Variants in FEZ1 observed in about 807,000 individuals in gnomAD.
FEZ1 encodes the protein fasciculation and elongation protein zeta-1.
Under a neutral mutation model 49.3 loss-of-function variants are expected in FEZ1, and 20 were observed. The observed-to-expected ratio is 0.41, with a 90% confidence interval of 0.29 to 0.59. The LOEUF is 0.59. FEZ1 is among the 20% of genes least tolerant of loss of function. The probability of loss-of-function intolerance (pLI) is 0.36; values close to 1 mark genes in which losing one functional copy is unlikely to be tolerated. For synonymous variants in FEZ1, 170 were observed against 180.9 expected (o/e 0.94, Z 0.48); for missense variants, 413 against 476.0 (o/e 0.87, Z 1.23).
At chr11:125,473,897 T>C (rs1054753975) in intron 3 of FEZ1, among the ~76,000 whole-genome samples, 2 of 151,454 alleles carry the variant, frequency 1.3e-5, no homozygotes, top group African/African-American at 4.8e-5. Context: ...ATTATAAAAC[T>C]TCTAGAAGAA....
At position 125,477,856 on chromosome 11, in the gene FEZ1, C is replaced by CAAAAAAAAAAAAAA. The variant is rs11413508; in HGVS notation, c.411+3677_411+3678insTTTTTTTTTTTTTT. Among the ~76,000 whole-genome samples the CAAAAAAAAAAAAAA allele has an allele frequency of 3.4e-4, 48 of 141,348 alleles. 1 individual carries two copies. The highest frequency in any genetic ancestry group is 1.2e-3 in the African/African-American group (46 of 37,246). The allele number at this position is 141,348 out of a possible 152,430, so 92.7% of individuals were successfully genotyped here. A position where few individuals can be genotyped will look rare whatever the true frequency, so the allele number is the denominator to read the frequency against. ...CCCACTATAAAAGTGGAGCTTTATGCAAAAAAAAAAAAAGGCAGCTAAAAG... is the reference window on the plus strand; with the variant it reads ...CCCACTATAAAAGTGGAGCTTTATGCAAAAAAAAAAAAAAAAAAAAAAAAAAAGGCAGCTAAAAG... On this transcript the variant is annotated intron_variant, in intron 3 of 9. Coordinates refer to ENST00000278919, the MANE Select transcript of FEZ1 (RefSeq NM_005103.5).
chr11:125,445,505 C>T lies in FEZ1; in HGVS notation c.*590G>A, dbSNP rs1256971236. Among the ~76,000 whole-genome samples the T allele has an allele frequency of 6.6e-6, 1 of 152,224 alleles. No individual in the cohort carries two copies. Among genetic ancestry groups the T allele is most frequent in the Non-Finnish European group, 1.5e-5 (1 of 68,036 alleles). On this transcript the variant is annotated 3_prime_UTR_variant, in exon 10 of 10. Coordinates refer to ENST00000278919, the MANE Select transcript of FEZ1 (RefSeq NM_005103.5). The surrounding 1 kb of genome is among the most constrained non-coding windows in gnomAD (Gnocchi z 4.4). ...CTCCTTTCTGCAGCCCCTGGTGCAG[C>T]TCCCTTGCATGTGGCTGAGCAGCAA... is the stretch of plus-strand genomic sequence containing the variant.
intron 1 of FEZ1, among the ~76,000 whole-genome samples, chr11:125,493,375 AAAG>A (rs1311795692): frequency 9.2e-4 from 33 of 35,974 alleles, no homozygotes; most frequent in African/African-American, 3.3e-3. Flanking sequence ...AGAAAGAAAG[AAAG>A]AAAGAAAGAA....
In FEZ1 at chr11:125,445,442, T is replaced by C. The variant is rs1956890277; in HGVS notation, c.*653A>G. 1.3e-5 allele frequency among the ~76,000 whole-genome samples: 2 copies of C among 152,210 alleles called. No homozygotes were observed. Among genetic ancestry groups the C allele is most frequent in the South Asian group, 4.1e-4 (2 of 4,834 alleles). ...ATGAGGCCCACTTTCTATCTGCTAA[T>C]TGCACACTCTCACCCCCGTCTCACC... is the stretch of plus-strand genomic sequence containing the variant. On this transcript the variant is annotated 3_prime_UTR_variant, in exon 10 of 10. Transcript: ENST00000278919. This position sits in a 1 kb window ranked among gnomAD's most constrained non-coding sequence, Gnocchi z 4.4.
intron 3 of FEZ1, among the ~76,000 whole-genome samples, chr11:125,465,686 A>G (rs955262148): frequency 1.3e-5 from 2 of 152,210 alleles, no homozygotes; most frequent in African/African-American, 4.8e-5. Flanking sequence ...CGGCCAAGAA[A>G]ACCCTGGCTC....
At chr11:125,446,912 C>G (rs1438999564) in intron 9 of FEZ1, among the ~76,000 whole-genome samples, 1 of 152,036 alleles carries the variant, frequency 6.6e-6, no homozygotes, top group Admixed American at 6.6e-5. Context: ...TTAATGTTTA[C>G]TCTAAGTTCC....
intron 1 of FEZ1, among the ~76,000 whole-genome samples, chr11:125,491,354 G>A (rs769639687): frequency 1.3e-5 from 2 of 152,026 alleles, no homozygotes; most frequent in South Asian, 2.1e-4. Flanking sequence ...TAAATTCCTC[G>A]AGGACACAGA....
chr11:125,489,444 A>G lies in FEZ1; in HGVS notation c.311+23T>C. On this transcript the variant is annotated intron_variant, in intron 2 of 9. Transcript: ENST00000278919. This position sits in a 1 kb window ranked among gnomAD's most constrained non-coding sequence, Gnocchi z 4.2. ...CTACAGGGCTCTCGACTGAAGCAGGAGAGGGCAATTAAGACTTCTTACTCC... is the reference window on the plus strand; with the variant it reads ...CTACAGGGCTCTCGACTGAAGCAGGGGAGGGCAATTAAGACTTCTTACTCC... The G allele has an allele frequency of 1.3e-6, 2 of 1,594,958 alleles. No individual in the cohort carries two copies. The highest frequency in any genetic ancestry group is 1.7e-6 in the Non-Finnish European group (2 of 1,171,262).
chr11:125,450,707 T>A (rs1956946700), intron 8 of FEZ1, among the ~76,000 whole-genome samples: 2 of 152,240 alleles, frequency 1.3e-5, no homozygotes, highest in South Asian at 4.1e-4. Flanking sequence ...TATATCCACA[T>A]GATAGAAGAG....
At chr11:125,475,832 C>T (rs1263420705) in intron 3 of FEZ1, among the ~76,000 whole-genome samples, 1 of 151,906 alleles carries the variant, frequency 6.6e-6, no homozygotes, top group Non-Finnish European at 1.5e-5. Flanking sequence ...CATATGTTCA[C>T]ACAAAGACCT....
Position 125,445,896 on chromosome 11 carries a change from C to T in FEZ1, c.*199G>A. ...GCAAGGGGGAGGCACCATCACCGGCCCTGCCCCATCATGCATCCAATGATT... is the reference window on the plus strand; with the variant it reads ...GCAAGGGGGAGGCACCATCACCGGCTCTGCCCCATCATGCATCCAATGATT... On this transcript the variant is annotated 3_prime_UTR_variant, in exon 10 of 10. Transcript: ENST00000278919. The surrounding 1 kb of genome is among the most constrained non-coding windows in gnomAD (Gnocchi z 4.4). The T allele has an allele frequency of 3.1e-6, 2 of 638,198 alleles. No individual in the cohort carries two copies. Among genetic ancestry groups the T allele is most frequent in the South Asian group, 1.6e-5 (1 of 62,016 alleles). The allele number at this position is 638,198 out of a possible 1,614,324, so 39.5% of individuals were successfully genotyped here.
chr11:125,489,658 G>T lies in FEZ1; in HGVS notation c.120C>A (p.Asp40Glu). 6.2e-7 allele frequency: 1 copy of T among 1,614,006 alleles called. No homozygotes were observed. Among genetic ancestry groups the T allele is most frequent in the Non-Finnish European group, 8.5e-7 (1 of 1,179,946 alleles). Residue 40 changes from aspartate (D) to glutamate (E), a missense_variant, in exon 2 of 10, where the codon GAC becomes GAA. Coordinates refer to ENST00000278919, the MANE Select transcript of FEZ1 (RefSeq NM_005103.5). The surrounding 1 kb of genome is among the most constrained non-coding windows in gnomAD (Gnocchi z 4.2). ...FYGSSPHHLE[D>E]PSLSELENFS... is the part of the protein sequence containing the mutation. ...AATTCTCAAGCTCGGAGAGGGAGGG[G>T]TCCTCGAGATGGTGGGGAGATGAAC... is the stretch of plus-strand genomic sequence containing the variant.
At position 125,489,282 on chromosome 11, in the gene FEZ1, C is replaced by T; in HGVS notation, c.311+185G>A. On this transcript the variant is annotated intron_variant, in intron 2 of 9. Transcript: ENST00000278919. The surrounding 1 kb of genome is among the most constrained non-coding windows in gnomAD (Gnocchi z 4.2). ...AAGGTTTCAATTTAAGAAAGTTCTC[C>T]TCAGGGGACTGTAAAGGGACATATA... is the stretch of plus-strand genomic sequence containing the variant. 1 of 1,250,796 alleles carries T rather than the reference C, an allele frequency of 8.0e-7. No individual in the cohort carries two copies. The allele number at this position is 1,250,796 out of a possible 1,614,324, so 77.5% of individuals were successfully genotyped here.
Position 125,456,072 on chromosome 11 carries a change from C to T in FEZ1, c.702G>A (p.Glu234=). Residue 234 remains glutamate (E), a synonymous_variant, in exon 6 of 10, where the codon GAG becomes GAA. Transcript: ENST00000278919. ...LRHMSGSELT[E]LLDQVEGAIR... Reference sequence around the variant, plus strand: ...TGGCACCCTCCACCTGGTCCAGCAGCTCGGTCAGCTCAGACCCAGACATGT... The same window carrying T: ...TGGCACCCTCCACCTGGTCCAGCAGTTCGGTCAGCTCAGACCCAGACATGT... 1 of 1,608,890 alleles carries T rather than the reference C, an allele frequency of 6.2e-7. No homozygotes were observed. The highest frequency in any genetic ancestry group is 8.5e-7 in the Non-Finnish European group (1 of 1,178,252).
intron 3 of FEZ1, among the ~76,000 whole-genome samples, chr11:125,480,632 A>G (rs1229016691): frequency 6.6e-6 from 1 of 152,058 alleles, no homozygotes; most frequent in East Asian, 1.9e-4. Flanking sequence ...AGATGAGAAA[A>G]CCTGATTTTT....
intron 3 of FEZ1, among the ~76,000 whole-genome samples, chr11:125,477,643 T>G (rs1957243895): frequency 6.6e-6 from 1 of 152,186 alleles, no homozygotes; most frequent in African/African-American, 2.4e-5. Context: ...TCTTCCTTAG[T>G]CATCCCAGAG....
At chr11:125,485,754 G>A (rs1591601175) in intron 2 of FEZ1, among the ~76,000 whole-genome samples, 1 of 150,652 alleles carries the variant, frequency 6.6e-6, no homozygotes, top group East Asian at 1.9e-4. Flanking sequence ...TGGACAACAT[G>A]GTGAAAACCC....
intron 1 of FEZ1, among the ~76,000 whole-genome samples, chr11:125,493,530 G>C (rs1168318973): frequency 1.3e-5 from 2 of 150,370 alleles, no homozygotes; most frequent in Admixed American, 1.3e-4. Flanking sequence ...AAGAAAGAAA[G>C]AAAGAAAGAA....
At position 125,454,741 on chromosome 11, in the gene FEZ1, C is replaced by T. The variant is rs958502159; in HGVS notation, c.940-531G>A. Among the ~76,000 whole-genome samples, 20 of 152,102 alleles carry T rather than the reference C, an allele frequency of 1.3e-4. No individual in the cohort carries two copies. In the East Asian group the frequency reaches 2.3e-3, roughly 18 times the overall value. ...TGATTAAGAAGCATGAGTGGCTGGG[C>T]GCAGTGGCTCACACCTGTAATCCCA... On this transcript the variant is annotated intron_variant, in intron 6 of 9. Coordinates refer to ENST00000278919, the MANE Select transcript of FEZ1 (RefSeq NM_005103.5).
Sources: gnomAD v4.1 joint callset for allele counts (sites outside exome capture counted in the v4.1 genomes callset) on GRCh38, gnomAD v4.1.1 for gene constraint, Gnocchi (gnomAD v3.1) non-coding constraint, MANE v1.5 for transcripts, NCBI Gene and HGNC (gene_info 2026-07-23, HGNC 2026-07-21) for gene names.